Variants in B3GALT1 observed in about 807,000 individuals in gnomAD.
B3GALT1 encodes UDP-Gal:betaGlcNAc beta 1,3-galactosyltransferase, polypeptide 1.
A neutral mutation model predicts 23.2 loss-of-function variants in B3GALT1; 10 were observed. The ratio of observed to expected loss-of-function variants is 0.43; its 90% CI spans 0.27 to 0.73. The LOEUF (loss-of-function observed/expected upper bound fraction) is 0.73, where lower values mean the gene tolerates loss of function less well. Ranked by LOEUF, B3GALT1 falls within the 30% of genes least tolerant of loss-of-function variation. The probability of loss-of-function intolerance (pLI) is 0.21; values close to 1 mark genes in which losing one functional copy is unlikely to be tolerated. For missense variants in B3GALT1, 299 were observed against 405.4 expected, an observed-to-expected ratio of 0.74 and a Z score of 2.25; for synonymous variants, 156 against 141.5, an observed-to-expected ratio of 1.10 and a Z score of -0.73.
intron 2 of B3GALT1, among the ~76,000 whole-genome samples, chr2:167,586,832 G>A (rs573154815): frequency 6.6e-6 from 1 of 152,134 alleles, no homozygotes; most frequent in Non-Finnish European, 1.5e-5. Context: ...AAACACAAGG[G>A]CGTGCCTATT....
intron 3 of B3GALT1, among the ~76,000 whole-genome samples, chr2:167,735,160 C>T (rs1687472650): frequency 6.6e-6 from 1 of 152,220 alleles, no homozygotes; most frequent in South Asian, 2.1e-4. Context: ...TAAATCCCCC[C>T]TTCCAATTTC....
intron 3 of B3GALT1, among the ~76,000 whole-genome samples, chr2:167,768,127 C>T (rs1304203749): frequency 6.6e-6 from 1 of 152,210 alleles, no homozygotes; most frequent in African/African-American, 2.4e-5. Flanking sequence ...CCACCAATTC[C>T]AGTGCTGATC....
intron 1 of B3GALT1, among the ~76,000 whole-genome samples, chr2:167,319,654 A>G (rs1030019984): frequency 1.3e-5 from 2 of 152,162 alleles, no homozygotes; most frequent in Non-Finnish European, 2.9e-5. Context: ...CCATAGTTGT[A>G]ACTCAAAAGA....
chr2:167,702,713 A>G (rs1686899331), intron 3 of B3GALT1, among the ~76,000 whole-genome samples: 1 of 152,220 alleles, frequency 6.6e-6, no homozygotes, highest in Admixed American at 6.5e-5. Flanking sequence ...TTATAATAAA[A>G]CGGAAACAGT....
intron 2 of B3GALT1, among the ~76,000 whole-genome samples, chr2:167,566,103 A>AG (rs1684159809): frequency 6.6e-6 from 1 of 151,890 alleles, no homozygotes; most frequent in South Asian, 2.1e-4. Flanking sequence ...AACAAACCCA[A>AG]ATGTTCAACA....
chr2:167,406,990 G>A (rs1335386577), intron 1 of B3GALT1, among the ~76,000 whole-genome samples: 3 of 151,272 alleles, frequency 2.0e-5, no homozygotes, highest in Non-Finnish European at 4.4e-5. Context: ...CTATCTAATA[G>A]GCCAAACTGG....
chr2:167,337,145 T>G (rs1697070062), intron 1 of B3GALT1, among the ~76,000 whole-genome samples: 1 of 152,168 alleles, frequency 6.6e-6, no homozygotes, highest in South Asian at 2.1e-4. Context: ...TGCAGTGGGA[T>G]GTAAAGTTGT....
At chr2:167,810,079 G>T (rs1221339524) in intron 3 of B3GALT1, among the ~76,000 whole-genome samples, 1 of 144,070 alleles carries the variant, frequency 6.9e-6, no homozygotes, top group South Asian at 2.1e-4. Context: ...AGGACCCCCT[G>T]AGCCACGCGT....
chr2:167,593,988 A>G lies in B3GALT1; in HGVS notation c.-409-52921A>G, dbSNP rs1208984784. Among the ~76,000 whole-genome samples, 3 of 152,236 alleles carry G rather than the reference A, an allele frequency of 2.0e-5. No individual in the cohort carries two copies. In the East Asian group the frequency reaches 5.8e-4, roughly 29 times the overall value. On this transcript the variant is annotated intron_variant, in intron 2 of 4. Transcript: ENST00000392690. ...AGCAAACAAAAACACAGAAGCCTAG[A>G]TATTTACAAATTCTGTACTTACTTT...
chr2:167,306,431 C>T (rs1326430878), intron 1 of B3GALT1, among the ~76,000 whole-genome samples: 5 of 151,828 alleles, frequency 3.3e-5, no homozygotes, highest in African/African-American at 1.2e-4. Flanking sequence ...GAGATGATTT[C>T]CTCTTTATTT....
chr2:167,508,153 G>C (rs563391924), intron 2 of B3GALT1, among the ~76,000 whole-genome samples: 1 of 152,210 alleles, frequency 6.6e-6, no homozygotes, highest in East Asian at 1.9e-4. Flanking sequence ...ATTGGGGTTA[G>C]GATCTGAAGG....
At chr2:167,777,981 A>G (rs530629982) in intron 3 of B3GALT1, among the ~76,000 whole-genome samples, 3 of 152,132 alleles carry the variant, frequency 2.0e-5, no homozygotes, top group Admixed American at 1.3e-4. Context: ...AACATCCTAC[A>G]ATGCACAGGA....
At chr2:167,640,844 A>G (rs1460851135) in intron 2 of B3GALT1, among the ~76,000 whole-genome samples, 3 of 152,090 alleles carry the variant, frequency 2.0e-5, no homozygotes, top group Admixed American at 1.3e-4. Context: ...TGAGCTTTGG[A>G]CTTTCAATCT....
intron 4 of B3GALT1, among the ~76,000 whole-genome samples, chr2:167,819,438 A>G (rs1395143647): frequency 6.6e-6 from 1 of 151,682 alleles, no homozygotes; most frequent in Non-Finnish European, 1.5e-5. Context: ...AAAGCAAGAT[A>G]AATACTTAGA....
At chr2:167,549,853 A>G (rs980272016) in intron 2 of B3GALT1, among the ~76,000 whole-genome samples, 2 of 152,196 alleles carry the variant, frequency 1.3e-5, no homozygotes, top group African/African-American at 4.8e-5. Context: ...GGGTTATTCC[A>G]GAGCAAAAGT....
chr2:167,819,846 G>A (rs1558990353), intron 4 of B3GALT1, among the ~76,000 whole-genome samples: 1 of 152,196 alleles, frequency 6.6e-6, no homozygotes, highest in Non-Finnish European at 1.5e-5. Flanking sequence ...CACTGGATAT[G>A]TTGGTTTTCA....
intron 2 of B3GALT1, among the ~76,000 whole-genome samples, chr2:167,509,731 G>A (rs1275297688): frequency 6.6e-6 from 1 of 152,144 alleles, no homozygotes; most frequent in Admixed American, 6.6e-5. Flanking sequence ...GTGAGTTAGG[G>A]GAGAGGAATG....
chr2:167,617,651 A>G (rs1685184837), intron 2 of B3GALT1, among the ~76,000 whole-genome samples: 1 of 152,128 alleles, frequency 6.6e-6, no homozygotes, highest in Non-Finnish European at 1.5e-5. Flanking sequence ...AGTTAACTAC[A>G]TTCTTTTATC....
At chr2:167,750,848 C>T (rs1687723834) in intron 3 of B3GALT1, among the ~76,000 whole-genome samples, 3 of 152,086 alleles carry the variant, frequency 2.0e-5, no homozygotes, top group Admixed American at 2.0e-4. Context: ...ATCTGTTCCT[C>T]TCACTCAAAG....
Sources: gnomAD v4.1 joint callset for allele counts (sites outside exome capture counted in the v4.1 genomes callset) on GRCh38, gnomAD v4.1.1 for gene constraint, MANE v1.5 for transcripts, NCBI Gene and HGNC (gene_info 2026-07-23, HGNC 2026-07-21) for gene names.